PCDHA4: variants seen among roughly 807,000 people sequenced by gnomAD.
PCDHA4 encodes the protein protocadherin alpha-4.
Under a neutral mutation model 61.4 loss-of-function variants are expected in PCDHA4, and 49 were observed. The ratio of observed to expected loss-of-function variants is 0.80; its 90% CI spans 0.63 to 1.01. The LOEUF (loss-of-function observed/expected upper bound fraction) is 1.01, where lower values mean the gene tolerates loss of function less well. Among genes scored for constraint, PCDHA4 ranks in the 50% least tolerant of loss-of-function variants. The pLI, the probability that PCDHA4 is intolerant of heterozygous loss-of-function variation, is 0.00. For synonymous variants in PCDHA4, 590 were observed against 550.3 expected, an observed-to-expected ratio of 1.07 and a Z score of -1.01; for missense variants, 1,254 against 1,235.8, an observed-to-expected ratio of 1.01 and a Z score of -0.22.
At chr5:140,877,438 G>A (rs1554169741) in intron 1 of PCDHA4, 1 of 1,613,892 alleles carries the variant, frequency 6.2e-7, no homozygotes, top group South Asian at 1.1e-5. Context: ...GGACCACGGT[G>A]AGCCCGCGCT....
At chr5:140,881,147 A>G (rs982102013) in intron 1 of PCDHA4, among the ~76,000 whole-genome samples, 3 of 152,238 alleles carry the variant, frequency 2.0e-5, no homozygotes, top group Non-Finnish European at 4.4e-5. Context: ...ATAACAATAG[A>G]TAAAAGTAAG....
intron 1 of PCDHA4, chr5:140,856,553 T>C (rs1319185539): frequency 6.3e-7 from 1 of 1,598,066 alleles, no homozygotes; most frequent in African/African-American, 1.3e-5. Context: ...ATTGCTTACT[T>C]ACAAACTCAG....
At chr5:140,840,164 T>C (rs1554137707) in intron 1 of PCDHA4, among the ~76,000 whole-genome samples, 1 of 151,988 alleles carries the variant, frequency 6.6e-6, no homozygotes, top group African/African-American at 2.4e-5. Context: ...AGAGATGGGA[T>C]GTATACAAAT....
chr5:140,829,223 G>C (rs1259859685), intron 1 of PCDHA4: 1 of 1,614,124 alleles, frequency 6.2e-7, no homozygotes, highest in Non-Finnish European at 8.5e-7. Context: ...GAACGACCTC[G>C]ATTCAGGTGC....
chr5:140,927,805 C>T (rs2084654444), intron 1 of PCDHA4: 1 of 1,614,074 alleles, frequency 6.2e-7, no homozygotes, highest in South Asian at 1.1e-5. Context: ...GCCTGAAACG[C>T]TCTTGGAGGC....
chr5:140,868,806 G>A (rs374832846), intron 1 of PCDHA4: 20 of 357,070 alleles, frequency 5.6e-5, no homozygotes, highest in African/African-American at 2.7e-4. Context: ...AAATAAGCAC[G>A]TTGGAAATAT....
At chr5:140,877,909 C>G in intron 1 of PCDHA4, 4 of 1,432,580 alleles carry the variant, frequency 2.8e-6, no homozygotes, top group Non-Finnish European at 3.7e-6. Context: ...TAACTACATT[C>G]TCTCATTTTT....
intron 1 of PCDHA4, chr5:140,830,092 G>T: frequency 1.2e-6 from 2 of 1,613,632 alleles, no homozygotes; most frequent in Non-Finnish European, 1.7e-6. Flanking sequence ...CGGTTCTGGT[G>T]TCGCTGGTGG....
chr5:140,994,189 G>T (rs992894961), intron 3 of PCDHA4, among the ~76,000 whole-genome samples: 2 of 152,176 alleles, frequency 1.3e-5, no homozygotes, highest in Admixed American at 6.5e-5. Context: ...AACCACCAGG[G>T]CCTGTTGGTC....
Position 140,843,107 on chromosome 5 carries a change from G to T in PCDHA4, c.2385+33535G>T, listed in dbSNP as rs1554139748. The T allele has an allele frequency of 5.6e-6, 9 of 1,595,816 alleles. 1 individual carries two copies. Among genetic ancestry groups the T allele is most frequent in the Non-Finnish European group, 6.9e-6 (8 of 1,165,524 alleles). ...GGGCCACGTGGTAGCGAAGGTGCGCGCAGTGGACGCCGACTCGGGCTACAA... is the reference window on the plus strand; with the variant it reads ...GGGCCACGTGGTAGCGAAGGTGCGCTCAGTGGACGCCGACTCGGGCTACAA... On this transcript the variant is annotated intron_variant, in intron 1 of 3. Coordinates refer to ENST00000530339, the MANE Select transcript of PCDHA4 (RefSeq NM_018907.4).
intron 1 of PCDHA4, among the ~76,000 whole-genome samples, chr5:140,916,666 A>G (rs782065585): frequency 2.0e-5 from 3 of 152,176 alleles, no homozygotes; most frequent in Non-Finnish European, 2.9e-5. Flanking sequence ...AAGATGCAAG[A>G]CAAAGTCCTC....
chr5:140,829,809 C>CTGG, intron 1 of PCDHA4: 1 of 1,613,854 alleles, frequency 6.2e-7, no homozygotes, highest in African/African-American at 1.3e-5. Context: ...GTGGGTGGTA[C>CTGG]TGGTGGTGCA....
intron 1 of PCDHA4, chr5:140,821,533 A>G: frequency 2.2e-6 from 1 of 462,588 alleles, no homozygotes. Flanking sequence ...AAAATAAAAC[A>G]CTTACCCTTT....
chr5:141,009,471 G>A, intron 3 of PCDHA4, 156 bp from the exon 4 acceptor site: 1 of 961,136 alleles, frequency 1.0e-6, no homozygotes, highest in Non-Finnish European at 1.2e-6. Context: ...AAATAAATAA[G>A]TAAACACTTG....
In PCDHA4 at chr5:140,877,310, C is replaced by T. The variant is rs371801888; in HGVS notation, c.2385+67738C>T. ...GCTTGGCTGTCCTACGAGTTGCAACCGGCGGCGGTCGGCGCGCACATCCCG... is the reference window on the plus strand; with the variant it reads ...GCTTGGCTGTCCTACGAGTTGCAACTGGCGGCGGTCGGCGCGCACATCCCG... On this transcript the variant is annotated intron_variant, in intron 1 of 3. Transcript: ENST00000530339. 16 of 1,613,820 alleles carry T rather than the reference C, an allele frequency of 9.9e-6. No homozygotes were observed. In the African/African-American group the frequency reaches 1.9e-4, roughly 19 times the overall value.
chr5:140,811,154 C>T (rs1764804628), intron 1 of PCDHA4: 2 of 152,184 alleles, frequency 1.3e-5, no homozygotes, highest in South Asian at 4.1e-4. Context: ...GCTATCCCTC[C>T]CCCAGTCCCC....
At chr5:140,827,495 A>G (rs1769309014) in intron 1 of PCDHA4, among the ~76,000 whole-genome samples, 1 of 152,240 alleles carries the variant, frequency 6.6e-6, no homozygotes, top group Admixed American at 6.5e-5. Flanking sequence ...CATGGACTTC[A>G]ATAATCTATA....
intron 1 of PCDHA4, chr5:140,857,039 G>A: frequency 6.3e-7 from 1 of 1,595,752 alleles, no homozygotes; most frequent in Non-Finnish European, 8.6e-7. Context: ...ACCTATGGTT[G>A]GTCACTGCAC....
intron 1 of PCDHA4, chr5:140,871,446 A>C (rs1554165605): frequency 6.2e-7 from 1 of 1,610,058 alleles, no homozygotes; most frequent in Non-Finnish European, 8.5e-7. Context: ...GTCTGAATAA[A>C]GAGGAGGAAG....
Sources: allele counts gnomAD v4.1 joint callset (sites outside exome capture counted in the v4.1 genomes callset), GRCh38; gene constraint gnomAD v4.1.1; transcripts MANE v1.5; gene names NCBI Gene and HGNC (gene_info 2026-07-23, HGNC 2026-07-21).